RND2: variants seen among roughly 807,000 people sequenced by gnomAD.
The protein encoded by RND2 is rho-related GTP-binding protein RhoN.
Under a neutral mutation model 25.9 loss-of-function variants are expected in RND2, and 16 were observed. The observed-to-expected ratio is 0.62, with a 90% CI of 0.42 to 0.94. The LOEUF is 0.94. RND2 is among the 40% of genes least tolerant of loss of function. The probability of loss-of-function intolerance (pLI) is 0.00; values close to 1 mark genes in which losing one functional copy is unlikely to be tolerated. For synonymous variants in RND2, 97 were observed against 118.1 expected (o/e 0.82, Z 1.16); for missense variants, 276 against 305.5 (o/e 0.90, Z 0.72).
intron 2 of RND2, 166 bp downstream of exon 2, chr17:43,026,213 G>A: frequency 3.5e-6 from 2 of 564,046 alleles, no homozygotes; most frequent in Non-Finnish European, 6.5e-6. Flanking sequence ...GGTAGAACTT[G>A]CAGAGCCTGA....
At position 43,026,017 on chromosome 17, in the gene RND2, C is replaced by T; in HGVS notation, c.160C>T (p.Arg54Cys). The stretch of plus-strand genomic sequence containing the variant: ...TGCGAGCTTTGAGATCGACAAGCGC[C>T]GCATTGAGCTCAACATGTGGGACAC... ...YTASFEIDKR[R>C]IELNMWDTSG... The change falls in exon 2 of 5, where the codon CGC (arginine) becomes TGC (cysteine). Residue 54 changes from arginine to cysteine, a missense_variant. Transcript: ENST00000587250. The T allele has an allele frequency of 4.3e-6, 7 of 1,612,788 alleles. No homozygotes were observed. Among genetic ancestry groups the T allele is most frequent in the East Asian group, 2.2e-5 (1 of 44,806 alleles).
chr17:43,028,016 G>T, intron 3 of RND2, 45 bp from the exon 4 acceptor site: 1 of 1,583,894 alleles, frequency 6.3e-7, no homozygotes, highest in East Asian at 2.3e-5. Context: ...CTCACGCTGT[G>T]CCTCCCTCCA....
Position 43,026,040 on chromosome 17 carries a change from C to T in RND2, c.183C>T (p.Asp61=). 1 of 1,608,006 alleles carries T rather than the reference C, an allele frequency of 6.2e-7. No homozygotes were observed. Among genetic ancestry groups the T allele is most frequent in the Non-Finnish European group, 8.5e-7 (1 of 1,175,120 alleles). The part of the protein sequence containing the change: ...DKRRIELNMW[D]TSGSSYYDNV... ...GCCGCATTGAGCTCAACATGTGGGACACTTCAGGTAGCCAAGTCCCTGGGG... is the reference window on the plus strand; with the variant it reads ...GCCGCATTGAGCTCAACATGTGGGATACTTCAGGTAGCCAAGTCCCTGGGG... The change falls in exon 2 of 5, where the codon GAC becomes GAT. Residue 61 remains aspartate, a synonymous_variant. Transcript: ENST00000587250.
chr17:43,027,512 G>A (rs1234063743), intron 3 of RND2, among the ~76,000 whole-genome samples: 1 of 152,176 alleles, frequency 6.6e-6, no homozygotes, highest in Non-Finnish European at 1.5e-5. Flanking sequence ...GCTAGGGGAG[G>A]TGGGGGAGTG....
At chr17:43,025,544 C>G (rs1389560910) in intron 1 of RND2, 95 bp downstream of exon 1, 76 of 1,465,168 alleles carry the variant, frequency 5.2e-5, no homozygotes, top group Non-Finnish European at 6.7e-5. Context: ...ACTCGGGTAA[C>G]CAGGGACAAG....
chr17:43,027,203 G>A lies in RND2; in HGVS notation c.211G>A (p.Val71Ile). The change falls in exon 3 of 5, where the codon GTC becomes ATC. Residue 71 changes from valine to isoleucine, a missense_variant. Physicochemically the swap from Val to Ile is conservative, Grantham distance 29. Coordinates refer to ENST00000587250, the MANE Select transcript of RND2 (RefSeq NM_005440.5). ...TTCAGGTTCCTCTTACTATGATAAT[G>A]TCCGGCCTCTGGCCTATCCTGATTC... Reference protein sequence around the residue: ...DTSGSSYYDNVRPLAYPDSDA... With the variant: ...DTSGSSYYDNIRPLAYPDSDA... 6.2e-7 allele frequency: 1 copy of A among 1,608,664 alleles called. No individual in the cohort carries two copies. Among genetic ancestry groups the A allele is most frequent in the Non-Finnish European group, 8.5e-7 (1 of 1,177,038 alleles).
At chr17:43,025,617 G>C (rs1240640469) in intron 1 of RND2, 168 bp downstream of exon 1, 1 of 481,346 alleles carries the variant, frequency 2.1e-6, no homozygotes, top group Admixed American at 6.4e-5. Flanking sequence ...AGAGGATTGG[G>C]GTGGGAGGAA....
chr17:43,028,405 T>C (rs761433115), intron 4 of RND2, 27 bp from the exon 5 acceptor site: 180 of 1,608,994 alleles, frequency 1.1e-4, no homozygotes, highest in Non-Finnish European at 1.4e-4. Flanking sequence ...CCTATAACTT[T>C]CTCCCATGCA....
intron 1 of RND2, 194 bp downstream of exon 1, chr17:43,025,643 A>AGATAGAT: frequency 3.2e-6 from 1 of 315,200 alleles, no homozygotes; most frequent in Middle Eastern, 1.7e-3. Flanking sequence ...GAGCAGGGTG[A>AGATAGAT]GATAGATGGG....
chr17:43,026,204 G>T, intron 2 of RND2, 157 bp downstream of exon 2: 1 of 570,766 alleles, frequency 1.8e-6, no homozygotes. Context: ...GGAAACTGAG[G>T]TAGAACTTGC....
In RND2 at chr17:43,025,905, A is replaced by T. The variant is rs2050619109; in HGVS notation, c.103-55A>T. ...GGGTGTGGGAGTGAGGAGGGCATTT[A>T]TCTGGGGTGAGGACTTGGAGAGATG... is the stretch of plus-strand genomic sequence containing the variant. On this transcript the variant is annotated intron_variant, in intron 1 of 4. Coordinates refer to ENST00000587250, the MANE Select transcript of RND2 (RefSeq NM_005440.5). The T allele has an allele frequency of 2.3e-6, 3 of 1,316,110 alleles. No individual in the cohort carries two copies. In the Admixed American group the frequency reaches 5.4e-5, roughly 24 times the overall value. The allele number at this position is 1,316,110 out of a possible 1,614,324, so 81.5% of individuals were successfully genotyped here.
chr17:43,028,142 G>T lies in RND2; in HGVS notation c.382G>T (p.Ala128Ser). The T allele has an allele frequency of 6.2e-7, 1 of 1,614,156 alleles. No homozygotes were observed. The highest frequency in any genetic ancestry group is 8.5e-7 in the Non-Finnish European group (1 of 1,180,044). The change falls in exon 4 of 5, where the codon GCC becomes TCC. Residue 128 changes from alanine to serine, a missense_variant. Physicochemically the swap from Ala to Ser is moderately conservative, Grantham distance 99. Coordinates refer to ENST00000587250, the MANE Select transcript of RND2 (RefSeq NM_005440.5). ...GCKLDMRTDL[A>S]TLRELSKQRL... is the part of the protein sequence containing the mutation. ...TAAACTGGACATGCGGACTGACCTG[G>T]CCACACTGAGGGAGCTGTCCAAGCA...
rs2050651950 is a variant in RND2, at chr17:43,029,263, A to C, written c.*583A>C. 6.5e-6 allele frequency: 1 copy of C among 153,930 alleles called. No individual in the cohort carries two copies. The highest frequency in any genetic ancestry group is 2.4e-5 in the African/African-American group (1 of 41,440). The allele number at this position is 153,930 out of a possible 1,614,324, so 9.5% of individuals were successfully genotyped here. A position where few individuals can be genotyped will look rare whatever the true frequency, so the allele number is the denominator to read the frequency against. On this transcript the variant is annotated 3_prime_UTR_variant, in exon 5 of 5. Coordinates refer to ENST00000587250, the MANE Select transcript of RND2 (RefSeq NM_005440.5). Reference sequence around the variant, plus strand: ...CTTTAGTTTTGTTGCTTTTTAAAAAAATCAATCTACCAATCTTTAGCAGTA... The same window carrying C: ...CTTTAGTTTTGTTGCTTTTTAAAAACATCAATCTACCAATCTTTAGCAGTA...
chr17:43,027,983 A>G (rs2050637487), intron 3 of RND2, 78 bp from the exon 4 acceptor site: 1 of 1,507,008 alleles, frequency 6.6e-7, no homozygotes. Context: ...AAGAGAGGGC[A>G]CACTGCTGGC....
At chr17:43,025,528 A>C in intron 1 of RND2, 79 bp downstream of exon 1, 2 of 1,477,134 alleles carry the variant, frequency 1.4e-6, no homozygotes, top group Non-Finnish European at 1.8e-6. Flanking sequence ...ACGGATGGGA[A>C]TGGGTACTCG....
intron 2 of RND2, 98 bp downstream of exon 2, chr17:43,026,145 C>T: frequency 1.4e-6 from 1 of 727,564 alleles, no homozygotes. Flanking sequence ...CCAGCCCATC[C>T]ATCCAATTCC....
chr17:43,026,198 A>T, intron 2 of RND2, 151 bp downstream of exon 2: 1 of 571,750 alleles, frequency 1.7e-6, no homozygotes, highest in African/African-American at 1.9e-5. Flanking sequence ...ATCCAGGGAA[A>T]CTGAGGTAGA....
chr17:43,028,265 G>T, intron 4 of RND2, 70 bp downstream of exon 4: 1 of 1,604,638 alleles, frequency 6.2e-7, no homozygotes, highest in Non-Finnish European at 8.5e-7. Flanking sequence ...TCTCTGATTT[G>T]AAAACACCTT....
Position 43,028,045 on chromosome 17 carries a change from T to C in RND2, c.301-16T>C. ...CCCTCCACCCCTCCACAATTCTCTT[T>C]TCTTCTCCTACATAGTGGCAAGGAG... is the stretch of plus-strand genomic sequence containing the variant. On this transcript the variant is annotated splice_polypyrimidine_tract_variant and intron_variant, in intron 3 of 4. Transcript: ENST00000587250. The C allele has an allele frequency of 2.5e-6, 4 of 1,609,574 alleles. No individual in the cohort carries two copies. The highest frequency in any genetic ancestry group is 3.4e-6 in the Non-Finnish European group (4 of 1,177,966).
Sources: allele counts gnomAD v4.1 joint callset (sites outside exome capture counted in the v4.1 genomes callset), GRCh38; gene constraint gnomAD v4.1.1; transcripts MANE v1.5; gene names NCBI Gene and HGNC (gene_info 2026-07-23, HGNC 2026-07-21).